The following ASTN1 variants were observed in gnomAD, a reference collection of about 807,000 sequenced individuals.
ASTN1 encodes astrotactin 1.
Under a neutral mutation model 140.7 loss-of-function variants are expected in ASTN1, and 41 were observed. The ratio of observed to expected loss-of-function variants is 0.29; its 90% CI spans 0.23 to 0.38. The LOEUF (loss-of-function observed/expected upper bound fraction) is 0.38. Ranked by LOEUF, ASTN1 falls within the 10% of genes least tolerant of loss-of-function variation. The pLI, the probability that ASTN1 is intolerant of heterozygous loss-of-function variation, is 1.00. For synonymous variants in ASTN1, 640 were observed against 652.2 expected (o/e 0.98, Z 0.29); for missense variants, 1,479 against 1,678.8 (o/e 0.88, Z 2.08).
At chr1:177,024,754 G>C in intron 5 of ASTN1, 22 bp from the exon 6 acceptor site, 1 of 1,603,512 alleles carries the variant, frequency 6.2e-7, no homozygotes, top group Non-Finnish European at 8.5e-7. Flanking sequence ...ACAAAAGCAA[G>C]ATACATGGTG....
At chr1:176,925,656 G>A (rs190989062) in intron 16 of ASTN1, among the ~76,000 whole-genome samples, 4 of 152,206 alleles carry the variant, frequency 2.6e-5, no homozygotes, top group South Asian at 2.1e-4. Flanking sequence ...TTTCTGGTCC[G>A]TGGTGGGTTT....
At position 176,864,211 on chromosome 1, in the gene ASTN1, T is replaced by G. The variant is rs1230754065; in HGVS notation, c.*73A>C. 3.9e-6 allele frequency: 6 copies of G among 1,536,012 alleles called. No homozygotes were observed. In the African/African-American group the frequency reaches 8.3e-5, roughly 21 times the overall value. ...ATGTTCCATTAAAAAATATTAAAAA[T>G]CCACAGACCAACCCAGATGGATCCC... On this transcript the variant is annotated 3_prime_UTR_variant, in exon 23 of 23. Transcript: ENST00000361833.
chr1:177,138,088 A>G (rs953608265), intron 1 of ASTN1, among the ~76,000 whole-genome samples: 1 of 152,112 alleles, frequency 6.6e-6, no homozygotes, highest in African/African-American at 2.4e-5. Flanking sequence ...CAAGCTCCAG[A>G]CCTGGTGCTC....
intron 1 of ASTN1, among the ~76,000 whole-genome samples, chr1:177,077,336 C>T (rs756034916): frequency 1.3e-5 from 2 of 152,062 alleles, no homozygotes; most frequent in South Asian, 4.1e-4. Flanking sequence ...GTGACGAGCA[C>T]GCTAGTTAGT....
intron 8 of ASTN1, among the ~76,000 whole-genome samples, chr1:176,992,048 A>G (rs1447572092): frequency 6.6e-6 from 1 of 152,202 alleles, no homozygotes; most frequent in Non-Finnish European, 1.5e-5. Context: ...AAAAAATACA[A>G]TAAGTACAAA....
In ASTN1 at chr1:176,867,847, C is replaced by T. The variant is rs570112919; in HGVS notation, c.3647+997G>A. ...TGGGATGACTTTTGTATGGTACTTT[C>T]ATTCTGCCCTGTTGGCTGGAGTGAA... is the stretch of plus-strand genomic sequence containing the variant. On this transcript the variant is annotated intron_variant, in intron 22 of 22. Coordinates refer to ENST00000361833, the MANE Select transcript of ASTN1 (RefSeq NM_004319.3). 2.0e-5 allele frequency among the ~76,000 whole-genome samples: 3 copies of T among 152,310 alleles called. No individual in the cohort carries two copies. The South Asian group carries it at 6.2e-4, about 32-fold the overall frequency.
chr1:177,127,014 A>G (rs1251182778), intron 1 of ASTN1, among the ~76,000 whole-genome samples: 1 of 152,186 alleles, frequency 6.6e-6, no homozygotes, highest in Non-Finnish European at 1.5e-5. Context: ...ATATGCCCCC[A>G]TGCCAAGTAG....
At chr1:176,928,835 T>C (rs1238699993) in intron 16 of ASTN1, among the ~76,000 whole-genome samples, 1 of 152,182 alleles carries the variant, frequency 6.6e-6, no homozygotes, top group Non-Finnish European at 1.5e-5. Flanking sequence ...AAGACTAATG[T>C]GTTGATCGTC....
intron 5 of ASTN1, 169 bp downstream of exon 5, chr1:177,029,465 C>T (rs1558042749): frequency 3.9e-6 from 3 of 777,784 alleles, no homozygotes; most frequent in Non-Finnish European, 4.7e-6. Flanking sequence ...CCACTCTAGG[C>T]TCTTCTTTCT....
At chr1:176,984,288 C>T (rs913281785) in intron 8 of ASTN1, among the ~76,000 whole-genome samples, 1 of 152,170 alleles carries the variant, frequency 6.6e-6, no homozygotes, top group Non-Finnish European at 1.5e-5. Flanking sequence ...TGCCATTCTG[C>T]AGTACATGGC....
chr1:176,861,390 T>C lies in ASTN1; in HGVS notation c.*2894A>G, dbSNP rs1667955540. 1 of 985,872 alleles carries C rather than the reference T, an allele frequency of 1.0e-6. No homozygotes were observed. 61.1% of individuals were successfully genotyped at this position (985,872 alleles called of 1,614,324 possible). A position where few individuals can be genotyped will look rare whatever the true frequency, so the allele number is the denominator to read the frequency against. On this transcript the variant is annotated 3_prime_UTR_variant, in exon 23 of 23. Transcript: ENST00000361833. ...CCAGAGGTCTTGGGGACATGGGAGCTGGGAGAGTGTTGGTGGGATATAAGC... is the reference window on the plus strand; with the variant it reads ...CCAGAGGTCTTGGGGACATGGGAGCCGGGAGAGTGTTGGTGGGATATAAGC...
chr1:177,003,350 T>C (rs1032981306), intron 8 of ASTN1, among the ~76,000 whole-genome samples: 72 of 149,766 alleles, frequency 4.8e-4, no homozygotes, highest in African/African-American at 1.7e-3. Flanking sequence ...TGCAAGTCAA[T>C]AAATGTGATT....
intron 16 of ASTN1, among the ~76,000 whole-genome samples, chr1:176,920,905 G>A (rs1050486962): frequency 1.3e-5 from 2 of 152,196 alleles, no homozygotes; most frequent in South Asian, 2.1e-4. Context: ...TCAAGGTGCT[G>A]CTAATTGAGG....
At chr1:176,952,858 C>A (rs1037853396) in intron 11 of ASTN1, among the ~76,000 whole-genome samples, 18 of 152,140 alleles carry the variant, frequency 1.2e-4, no homozygotes, top group African/African-American at 3.9e-4. Flanking sequence ...CAGGAGAGAC[C>A]CCCAAGGTCA....
rs769781369 is a variant in ASTN1 at position 176,894,838 on chromosome 1, C to T, written c.2672-8G>A. ...CATCTGATGGGGAGTTGCCTGCAGA[C>T]ACAAAATGGAAAGAAACAGTGAAGG... On this transcript the variant is annotated splice_polypyrimidine_tract_variant and splice_region_variant and intron_variant, in intron 16 of 22. Transcript: ENST00000361833. 2.5e-6 allele frequency: 4 copies of T among 1,613,078 alleles called. No homozygotes were observed. Among genetic ancestry groups the T allele is most frequent in the Admixed American group, 1.7e-5 (1 of 60,022 alleles).
At position 177,164,377 on chromosome 1, in the gene ASTN1, C is replaced by A. The variant is rs368920614; in HGVS notation, c.283+17G>T. 72 of 1,553,602 alleles carry A rather than the reference C, an allele frequency of 4.6e-5. No homozygotes were observed. In the African/African-American group the frequency reaches 8.4e-4, roughly 18 times the overall value. The stretch of plus-strand genomic sequence containing the variant: ...GGTCCAGCGCCTCCGGCCGCCTCGA[C>A]CTCCCCCGGGACTCACCCAGCACGA... On this transcript the variant is annotated intron_variant, in intron 1 of 22. Transcript: ENST00000361833.
intron 1 of ASTN1, among the ~76,000 whole-genome samples, chr1:177,074,581 C>T (rs1678798459): frequency 6.6e-6 from 1 of 152,200 alleles, no homozygotes; most frequent in African/African-American, 2.4e-5. Context: ...ATTTACAAAT[C>T]TCATCTGTTG....
At chr1:176,883,486 G>A (rs771614037) in intron 19 of ASTN1, among the ~76,000 whole-genome samples, 1 of 152,126 alleles carries the variant, frequency 6.6e-6, no homozygotes, top group African/African-American at 2.4e-5. Flanking sequence ...GAGGCACAAC[G>A]CCTGGCCTGG....
At chr1:177,157,294 T>C (rs939505695) in intron 1 of ASTN1, among the ~76,000 whole-genome samples, 30 of 151,800 alleles carry the variant, frequency 2.0e-4, no homozygotes, top group African/African-American at 5.8e-4. Flanking sequence ...AACTGTTCTT[T>C]TTGTTGTTGT....
Sources: gnomAD v4.1 joint callset for allele counts (sites outside exome capture counted in the v4.1 genomes callset) on GRCh38, gnomAD v4.1.1 for gene constraint, MANE v1.5 for transcripts, NCBI Gene and HGNC (gene_info 2026-07-23, HGNC 2026-07-21) for gene names.